Variants in USH2A observed in about 807,000 individuals in gnomAD.
USH2A encodes usherin.
In USH2A, 443 loss-of-function variants were observed where a neutral mutation model predicts 538.9. The observed-to-expected ratio is 0.82, with a 90% CI of 0.76 to 0.89. USH2A has a LOEUF of 0.89. USH2A is among the 40% of genes least tolerant of loss of function. USH2A has a pLI of 0.00. For synonymous variants in USH2A, 2,413 were observed against 2,273.5 expected (o/e 1.06, Z -1.75); for missense variants, 6,633 against 6,324.8 (o/e 1.05, Z -1.65).
intron 3 of USH2A, among the ~76,000 whole-genome samples, chr1:216,399,292 C>T (rs2039268379): frequency 6.6e-6 from 1 of 152,156 alleles, no homozygotes; most frequent in South Asian, 2.1e-4. Context: ...TCTCCACTCT[C>T]TTCACAGCAC....
chr1:215,759,624 C>A, intron 57 of USH2A, 36 bp downstream of exon 57: 1 of 1,611,164 alleles, frequency 6.2e-7, no homozygotes. Context: ...TGTACAAATC[C>A]TGCTGTATGA....
At chr1:216,206,811 A>G (rs1267814737) in intron 16 of USH2A, among the ~76,000 whole-genome samples, 2 of 152,220 alleles carry the variant, frequency 1.3e-5, no homozygotes, top group Non-Finnish European at 2.9e-5. Context: ...TGATGTTACA[A>G]ATAGAATAGG....
intron 30 of USH2A, among the ~76,000 whole-genome samples, chr1:216,051,464 TCCTATTGCCAAGTTGGAAACTACCG>T (rs1278022276): frequency 1.3e-5 from 2 of 152,246 alleles, no homozygotes; most frequent in Non-Finnish European, 2.9e-5. Context: ...GCCATGTCTT[TCCTATTGCCAAGTTGGAAACTACCG>T]TAAGATTCTA....
chr1:216,338,733 T>C (rs1275082456), intron 4 of USH2A, among the ~76,000 whole-genome samples: 1 of 151,522 alleles, frequency 6.6e-6, no homozygotes, highest in Admixed American at 6.6e-5. Context: ...ATGAAAGATA[T>C]ACCAGAACAA....
intron 13 of USH2A, among the ~76,000 whole-genome samples, chr1:216,236,891 A>G (rs184779939): frequency 3.3e-5 from 5 of 152,316 alleles, no homozygotes; most frequent in African/African-American, 1.2e-4. Flanking sequence ...CAATTTTTCT[A>G]TTTATGTGAA....
chr1:216,311,645 T>C lies in USH2A; in HGVS notation c.1644+10238A>G, dbSNP rs925087147. 5.3e-5 allele frequency among the ~76,000 whole-genome samples: 8 copies of C among 152,184 alleles called. No individual in the cohort carries two copies. In the East Asian group the frequency reaches 1.2e-3, roughly 22 times the overall value. On this transcript the variant is annotated intron_variant, in intron 9 of 71. Transcript: ENST00000307340. ...GCCGCCATTTTGGAACTGGAAGTCA[T>C]GGGGCGGAAGAGTTAACATCCAGAG...
intron 30 of USH2A, among the ~76,000 whole-genome samples, chr1:216,051,741 A>G (rs543904775): frequency 2.6e-5 from 4 of 152,244 alleles, no homozygotes; most frequent in Non-Finnish European, 5.9e-5. Context: ...CAATGCTGAT[A>G]TACAGGTTGG....
chr1:215,732,544 C>CCTT (rs1660028581), intron 60 of USH2A, among the ~76,000 whole-genome samples: 1 of 73,558 alleles, frequency 1.4e-5, no homozygotes, highest in African/African-American at 6.1e-5. Flanking sequence ...TTTTTTCTTT[C>CCTT]TTTTTTTTTT....
rs979821553 is a variant in USH2A at position 215,643,373 on chromosome 1, A to T, written c.14792-2639T>A. Among the ~76,000 whole-genome samples the T allele has an allele frequency of 2.0e-5, 3 of 151,694 alleles. No individual in the cohort carries two copies. In the South Asian group the frequency reaches 6.2e-4, roughly 32 times the overall value. On this transcript the variant is annotated intron_variant, in intron 67 of 71. Transcript: ENST00000307340. ...GTATTTATAATGAGTTAAAAGTAGCATAAGTGGTATTTTAGAACCTGTATC... is the reference window on the plus strand; with the variant it reads ...GTATTTATAATGAGTTAAAAGTAGCTTAAGTGGTATTTTAGAACCTGTATC...
chr1:216,037,603 A>G (rs1314450570), intron 32 of USH2A, among the ~76,000 whole-genome samples: 1 of 152,100 alleles, frequency 6.6e-6, no homozygotes. Flanking sequence ...TAAAATTTCC[A>G]TTGAAAGCTC....
At chr1:216,412,926 A>G (rs1297597362) in intron 3 of USH2A, among the ~76,000 whole-genome samples, 2 of 152,076 alleles carry the variant, frequency 1.3e-5, no homozygotes, top group Admixed American at 1.3e-4. Context: ...ACACTATATT[A>G]AACATGTTAC....
At chr1:215,844,192 A>T in intron 46 of USH2A, 102 bp downstream of exon 46, 1 of 1,261,774 alleles carries the variant, frequency 7.9e-7, no homozygotes, top group Non-Finnish European at 1.1e-6. Flanking sequence ...CACCAAAGAA[A>T]TAATCTGTAA....
intron 67 of USH2A, among the ~76,000 whole-genome samples, chr1:215,643,859 T>C (rs1476740174): frequency 6.6e-6 from 1 of 152,116 alleles, no homozygotes; most frequent in Non-Finnish European, 1.5e-5. Flanking sequence ...TCAGTTCACT[T>C]TGTTCTTCCA....
At chr1:216,415,743 C>T (rs1321579057) in intron 3 of USH2A, among the ~76,000 whole-genome samples, 1 of 151,888 alleles carries the variant, frequency 6.6e-6, no homozygotes, top group African/African-American at 2.4e-5. Context: ...CCCAGGCTGG[C>T]CTCGAACTCC....
At chr1:215,686,196 G>C (rs1169168391) in intron 61 of USH2A, among the ~76,000 whole-genome samples, 2 of 152,130 alleles carry the variant, frequency 1.3e-5, no homozygotes, top group Admixed American at 1.3e-4. Flanking sequence ...TCTTGACTCT[G>C]AGGAACTTAT....
At chr1:216,115,001 C>G (rs949024984) in intron 21 of USH2A, among the ~76,000 whole-genome samples, 2 of 151,632 alleles carry the variant, frequency 1.3e-5, no homozygotes, top group African/African-American at 4.9e-5. Flanking sequence ...TATCTGTATC[C>G]GTATGTATAG....
At chr1:216,252,049 T>C (rs1243997238) in intron 11 of USH2A, among the ~76,000 whole-genome samples, 8 of 152,178 alleles carry the variant, frequency 5.3e-5, no homozygotes, top group Non-Finnish European at 1.0e-4. Flanking sequence ...ATGTTTCTTG[T>C]TTTAAAGCAT....
rs543632832 is a variant in USH2A at position 216,072,786 on chromosome 1, C to T, written c.5857+103G>A. 12 of 1,185,228 alleles carry T rather than the reference C, an allele frequency of 1.0e-5. No individual in the cohort carries two copies. In the African/African-American group the frequency reaches 1.0e-4, roughly 10 times the overall value. The allele number at this position is 1,185,228 out of a possible 1,614,324, so 73.4% of individuals were successfully genotyped here. Reference sequence around the variant, plus strand: ...CAAGGCATGCTCTGTCAGAAGACTACAAAAATATTACTGCTTCAGGGTAAT... The same window carrying T: ...CAAGGCATGCTCTGTCAGAAGACTATAAAAATATTACTGCTTCAGGGTAAT... On this transcript the variant is annotated intron_variant, in intron 29 of 71. Transcript: ENST00000307340.
At chr1:215,946,347 T>C (rs1217738804) in intron 37 of USH2A, among the ~76,000 whole-genome samples, 1 of 152,208 alleles carries the variant, frequency 6.6e-6, no homozygotes, top group African/African-American at 2.4e-5. Context: ...GTTATATTCA[T>C]GGGACACTCA....
Sources: gnomAD v4.1 joint callset for allele counts (sites outside exome capture counted in the v4.1 genomes callset) on GRCh38, gnomAD v4.1.1 for gene constraint, MANE v1.5 for transcripts, NCBI Gene and HGNC (gene_info 2026-07-23, HGNC 2026-07-21) for gene names.